NKAIN2: variants seen among roughly 807,000 people sequenced by gnomAD.
NKAIN2 encodes the protein sodium/potassium transporting ATPase interacting 2.
In NKAIN2, 14 loss-of-function variants were observed where a neutral mutation model predicts 32.6. The ratio of observed to expected loss-of-function variants is 0.43; its 90% CI spans 0.28 to 0.67. NKAIN2 has a LOEUF of 0.67. Ranked by LOEUF, NKAIN2 falls within the 30% of genes least tolerant of loss-of-function variation. NKAIN2 has a pLI of 0.17. For synonymous variants in NKAIN2, 80 were observed against 87.2 expected (o/e 0.92, Z 0.46); for missense variants, 198 against 258.3 (o/e 0.77, Z 1.60).
chr6:124,159,039 A>G (rs1788136708), intron 1 of NKAIN2, among the ~76,000 whole-genome samples: 1 of 152,162 alleles, frequency 6.6e-6, no homozygotes, highest in South Asian at 2.1e-4. Flanking sequence ...TTCATACTTC[A>G]TAGATTTTAG....
chr6:124,735,487 T>G (rs1233928204), intron 4 of NKAIN2, among the ~76,000 whole-genome samples: 2 of 151,878 alleles, frequency 1.3e-5, no homozygotes, highest in African/African-American at 4.8e-5. Context: ...ATAAAAGTAG[T>G]GGTAGATTGG....
chr6:123,993,229 T>A (rs991563686), intron 1 of NKAIN2, among the ~76,000 whole-genome samples: 3 of 152,128 alleles, frequency 2.0e-5, no homozygotes, highest in Non-Finnish European at 4.4e-5. Flanking sequence ...ATTGTCATTG[T>A]TATAAGTGCT....
intron 1 of NKAIN2, among the ~76,000 whole-genome samples, chr6:124,039,001 A>T (rs951565385): frequency 3.3e-5 from 5 of 152,140 alleles, no homozygotes; most frequent in Admixed American, 3.3e-4. Context: ...GTTAATTATC[A>T]GGAGCCTTTT....
At chr6:123,947,119 T>A (rs536998185) in intron 1 of NKAIN2, among the ~76,000 whole-genome samples, 1 of 152,308 alleles carries the variant, frequency 6.6e-6, no homozygotes, top group African/African-American at 2.4e-5. Flanking sequence ...CCACAGTGCC[T>A]TTAGGGATTA....
In NKAIN2 at chr6:123,938,245, A is replaced by G. The variant is rs904104040; in HGVS notation, c.54+133991A>G. 2.6e-5 allele frequency among the ~76,000 whole-genome samples: 4 copies of G among 151,528 alleles called. No homozygotes were observed. In the East Asian group the frequency reaches 5.8e-4, roughly 22 times the overall value. Reference sequence around the variant, plus strand: ...TTTTAAAAAGGGAAGGGCAGATGCCATGAAAACATACTTAAAAAGTTATTT... The same window carrying G: ...TTTTAAAAAGGGAAGGGCAGATGCCGTGAAAACATACTTAAAAAGTTATTT... On this transcript the variant is annotated intron_variant, in intron 1 of 6. Transcript: ENST00000368417.
At chr6:124,595,849 CAT>C (rs955761279) in intron 3 of NKAIN2, among the ~76,000 whole-genome samples, 20 of 152,128 alleles carry the variant, frequency 1.3e-4, no homozygotes, top group African/African-American at 4.6e-4. Flanking sequence ...GCTAATTACA[CAT>C]AAGGTCTATT....
At chr6:124,200,648 T>C (rs1790547904) in intron 1 of NKAIN2, among the ~76,000 whole-genome samples, 1 of 152,112 alleles carries the variant, frequency 6.6e-6, no homozygotes, top group South Asian at 2.1e-4. Flanking sequence ...AAGAATTATA[T>C]TATAAGAACA....
intron 3 of NKAIN2, among the ~76,000 whole-genome samples, chr6:124,619,963 G>A (rs1419283623): frequency 6.6e-6 from 1 of 152,050 alleles, no homozygotes; most frequent in Non-Finnish European, 1.5e-5. Context: ...CTTGTTGTGA[G>A]GATTAAATAA....
At chr6:124,405,100 T>C (rs754463348) in intron 3 of NKAIN2, among the ~76,000 whole-genome samples, 3 of 152,204 alleles carry the variant, frequency 2.0e-5, no homozygotes, top group Non-Finnish European at 4.4e-5. Flanking sequence ...AACTTACCTG[T>C]TCAGTAAAAA....
intron 1 of NKAIN2, among the ~76,000 whole-genome samples, chr6:123,984,241 A>G (rs569847499): frequency 1.4e-4 from 21 of 152,202 alleles, no homozygotes; most frequent in Middle Eastern, 3.4e-3. Context: ...GGCTTAGTTC[A>G]AATTATTATT....
chr6:124,622,948 T>C (rs1783164537), intron 3 of NKAIN2, among the ~76,000 whole-genome samples: 1 of 152,092 alleles, frequency 6.6e-6, no homozygotes, highest in Non-Finnish European at 1.5e-5. Flanking sequence ...AGGCAACTTT[T>C]TGGTGTGAAA....
chr6:124,057,239 G>T (rs1782697168), intron 1 of NKAIN2, among the ~76,000 whole-genome samples: 1 of 152,026 alleles, frequency 6.6e-6, no homozygotes, highest in Admixed American at 6.6e-5. Context: ...TGATAAATCT[G>T]CAAGCTTAAT....
At chr6:124,325,933 G>A (rs1275870444) in intron 2 of NKAIN2, among the ~76,000 whole-genome samples, 1 of 151,822 alleles carries the variant, frequency 6.6e-6, no homozygotes, top group East Asian at 1.9e-4. Context: ...ATTAATATGT[G>A]GAATTGAATT....
chr6:124,520,020 C>T (rs566412991), intron 3 of NKAIN2, among the ~76,000 whole-genome samples: 1 of 152,056 alleles, frequency 6.6e-6, no homozygotes, highest in African/African-American at 2.4e-5. Context: ...CAAACATGCT[C>T]GAGCAAGGTC....
chr6:124,402,966 A>C (rs1773691856), intron 3 of NKAIN2, among the ~76,000 whole-genome samples: 1 of 152,222 alleles, frequency 6.6e-6, no homozygotes, highest in African/African-American at 2.4e-5. Flanking sequence ...AAAGTTAAAA[A>C]AAATTATTTC....
chr6:124,288,974 T>C (rs1414329356), intron 2 of NKAIN2, among the ~76,000 whole-genome samples: 1 of 136,670 alleles, frequency 7.3e-6, no homozygotes, highest in African/African-American at 3.2e-5. Flanking sequence ...TTTCCTGTTT[T>C]GTTACTGAAA....
chr6:124,356,235 A>G (rs538832582), intron 3 of NKAIN2, among the ~76,000 whole-genome samples: 4 of 152,186 alleles, frequency 2.6e-5, no homozygotes, highest in Non-Finnish European at 5.9e-5. Flanking sequence ...TTTTTAAAGA[A>G]AATTCCTCAG....
intron 1 of NKAIN2, among the ~76,000 whole-genome samples, chr6:123,894,498 T>G (rs573862426): frequency 6.6e-6 from 1 of 152,260 alleles, no homozygotes; most frequent in Non-Finnish European, 1.5e-5. Context: ...TAGCTGTCGA[T>G]GTTTTCAAAG....
intron 4 of NKAIN2, among the ~76,000 whole-genome samples, chr6:124,698,102 T>C (rs1774590681): frequency 6.6e-6 from 1 of 152,170 alleles, no homozygotes; most frequent in Non-Finnish European, 1.5e-5. Flanking sequence ...CTCCAGGTGA[T>C]TTCTATTTTT....
Sources: gnomAD v4.1 joint callset for allele counts (sites outside exome capture counted in the v4.1 genomes callset) on GRCh38, gnomAD v4.1.1 for gene constraint, MANE v1.5 for transcripts, NCBI Gene and HGNC (gene_info 2026-07-23, HGNC 2026-07-21) for gene names.